The following PRAMEF20 variants were observed in gnomAD, a reference collection of about 807,000 sequenced individuals.
PRAMEF20 encodes the protein PRAME family member 20, also known as PRAME family member 20/21.
Under a neutral mutation model 32.4 loss-of-function variants are expected in PRAMEF20, and 27 were observed. The ratio of observed to expected loss-of-function variants is 0.83; its 90% confidence interval spans 0.61 to 1.15. The LOEUF is 1.15. PRAMEF20 is among the 50% of genes most tolerant of loss of function. The pLI is 0.00. For missense variants in PRAMEF20, 604 were observed against 584.5 expected (o/e 1.03, Z -0.34); for synonymous variants, 256 against 235.4 (o/e 1.09, Z -0.80).
upstream of PRAMEF20, among the ~76,000 whole-genome samples, chr1:13,411,998 A>G (rs1454389471): frequency 1.3e-5 from 2 of 151,062 alleles, no homozygotes; most frequent in South Asian, 2.1e-4. Flanking sequence ...GTGGCTTTTA[A>G]TTGGTCATTC....
chr1:13,413,074 A>G (rs1269670392), upstream of PRAMEF20, among the ~76,000 whole-genome samples: 1 of 152,228 alleles, frequency 6.6e-6, no homozygotes, highest in Non-Finnish European at 1.5e-5. Flanking sequence ...GTGACCAAGG[A>G]TCCCTCAACA....
chr1:13,418,254 G>T, exon 2 of PRAMEF20: 2 of 1,612,146 alleles, frequency 1.2e-6, no homozygotes, highest in Non-Finnish European at 1.7e-6. Context: ...ACTGTCCAAG[G>T]ATGAGAGGAC....
At chr1:13,416,577 C>A in exon 1 of PRAMEF20, 2 of 1,614,178 alleles carry the variant, frequency 1.2e-6, no homozygotes, top group Non-Finnish European at 1.7e-6. Context: ...AAGGCCTTGC[C>A]CAGAGACCTT....
upstream of PRAMEF20, among the ~76,000 whole-genome samples, chr1:13,414,101 G>C (rs998630621): frequency 0.029 from 4,430 of 152,112 alleles, 203 homozygotes; most frequent in African/African-American, 0.1. Context: ...GAGTGCAGTG[G>C]CATGATCTCA....
exon 3 of PRAMEF20, chr1:13,420,714 T>C: frequency 1.2e-6 from 2 of 1,613,914 alleles, no homozygotes; most frequent in East Asian, 2.2e-5. Context: ...AAGACCTCGT[T>C]AAACATCCTC....
the PRAMEF20 span, among the ~76,000 whole-genome samples, chr1:13,410,861 A>AT: frequency 2.0e-5 from 3 of 149,954 alleles, no homozygotes; most frequent in Non-Finnish European, 3.0e-5. Flanking sequence ...TCTACAAAAT[A>AT]TTTTTTTTTG....
chr1:13,419,720 G>A (rs907112105), intron 2 of PRAMEF20, among the ~76,000 whole-genome samples: 10 of 151,972 alleles, frequency 6.6e-5, no homozygotes, highest in South Asian at 2.1e-4. Context: ...CACCGCACCC[G>A]GCCAAAACAA....
chr1:13,418,454 T>C (rs1322581684), exon 2 of PRAMEF20: 4 of 1,613,760 alleles, frequency 2.5e-6, no homozygotes, highest in Non-Finnish European at 3.4e-6. Flanking sequence ...CTAGACTGTA[T>C]CCAGGAGGTG....
chr1:13,417,105 T>C (rs1185490003), intron 1 of PRAMEF20, among the ~76,000 whole-genome samples: 1 of 151,856 alleles, frequency 6.6e-6, no homozygotes, highest in Non-Finnish European at 1.5e-5. Flanking sequence ...ACCCAAAGAG[T>C]GAGCGGTAGC....
intron 1 of PRAMEF20, 79 bp from the exon 3 acceptor site, chr1:13,418,043 G>A (rs1413791305): frequency 6.9e-6 from 11 of 1,605,804 alleles, no homozygotes; most frequent in Non-Finnish European, 8.5e-6. Context: ...CAAAGTGCTG[G>A]GATTACAAGC....
At chr1:13,416,852 C>A (rs1641181133) in intron 1 of PRAMEF20, among the ~76,000 whole-genome samples, 1 of 152,210 alleles carries the variant, frequency 6.6e-6, no homozygotes, top group South Asian at 2.1e-4. Context: ...AACCTCTCTT[C>A]TAGTGGCACT....
chr1:13,414,796 A>AAT (rs746676135), upstream of PRAMEF20, among the ~76,000 whole-genome samples: 422 of 151,158 alleles, frequency 2.8e-3, 2 homozygotes, highest in South Asian at 7.3e-3. Flanking sequence ...CATTCTATGT[A>AAT]ATATATATAT....
chr1:13,412,466 G>A (rs1641123498), upstream of PRAMEF20, among the ~76,000 whole-genome samples: 1 of 151,868 alleles, frequency 6.6e-6, no homozygotes, highest in Non-Finnish European at 1.5e-5. Context: ...CTTCTCTTTT[G>A]TAGCTACTTA....
At chr1:13,417,453 A>C (rs1232226110) in intron 1 of PRAMEF20, among the ~76,000 whole-genome samples, 6 of 151,690 alleles carry the variant, frequency 4.0e-5, no homozygotes, top group Non-Finnish European at 2.9e-5. Context: ...AAATACAAAA[A>C]TTAGCTGGGC....
upstream of PRAMEF20, among the ~76,000 whole-genome samples, chr1:13,415,217 T>C (rs1276214619): frequency 1.3e-5 from 2 of 152,076 alleles, no homozygotes; most frequent in Admixed American, 6.5e-5. Context: ...GTAGCTGGGA[T>C]TACAGGTGTG....
chr1:13,417,706 A>T (rs966410367), intron 1 of PRAMEF20, among the ~76,000 whole-genome samples: 13 of 148,450 alleles, frequency 8.8e-5, no homozygotes, highest in Non-Finnish European at 1.9e-4. Context: ...GATATCCAGG[A>T]TGTGAAGTAT....
Position 13,418,473 on chromosome 1 carries a change from T to C in PRAMEF20, c.639T>C (p.Asn213=), listed in dbSNP as rs995857846. The stretch of plus-strand genomic sequence containing the variant: ...ACTGTATCCAGGAGGTGGAAGTGAA[T>C]TGCAATTGGACACTGCCCGTCCTGG... The change falls in exon 2 of 3, where the codon AAT becomes AAC. Residue 213 remains asparagine, a synonymous_variant. Coordinates refer to ENST00000602960, the Ensembl canonical transcript of PRAMEF20. 42 of 1,613,856 alleles carry C rather than the reference T, an allele frequency of 2.6e-5. No homozygotes were observed. In the Admixed American group the frequency reaches 3.2e-4, roughly 12 times the overall value.
upstream of PRAMEF20, among the ~76,000 whole-genome samples, chr1:13,413,037 T>C (rs1641128465): frequency 6.6e-6 from 1 of 152,252 alleles, no homozygotes; most frequent in South Asian, 2.1e-4. Flanking sequence ...GTAAACTGTT[T>C]TAACTCTGAA....
chr1:13,415,209 A>G (rs1436761113), upstream of PRAMEF20, among the ~76,000 whole-genome samples: 9 of 152,046 alleles, frequency 5.9e-5, no homozygotes, highest in African/African-American at 1.7e-4. Context: ...CCTCCCAAGT[A>G]GCTGGGATTA....
Sources: allele counts gnomAD v4.1 joint callset (sites outside exome capture counted in the v4.1 genomes callset), GRCh38; gene constraint gnomAD v4.1.1; transcripts MANE v1.5; gene names NCBI Gene and HGNC (gene_info 2026-07-23, HGNC 2026-07-21).